The following ASIC2 variants were observed in gnomAD, a reference collection of about 807,000 sequenced individuals.
ASIC2 encodes acid-sensing ion channel 2.
A neutral mutation model predicts 57.3 loss-of-function variants in ASIC2; 25 were observed. The ratio of observed to expected loss-of-function variants is 0.44; its 90% CI spans 0.32 to 0.61. ASIC2 has a LOEUF of 0.61. ASIC2 is among the 20% of genes least tolerant of loss of function. The probability of loss-of-function intolerance (pLI) is 0.06; values close to 1 mark genes in which losing one functional copy is unlikely to be tolerated. For missense variants in ASIC2, 641 were observed against 738.1 expected (o/e 0.87, Z 1.52); for synonymous variants, 319 against 307.5 (o/e 1.04, Z -0.39).
chr17:34,093,390 A>G (rs1288062503), intron 1 of ASIC2, among the ~76,000 whole-genome samples: 1 of 152,136 alleles, frequency 6.6e-6, no homozygotes, highest in African/African-American at 2.4e-5. Context: ...AGGGATTCAT[A>G]TTTCTGTCCT....
At chr17:33,040,893 C>T (rs1317210248) in intron 3 of ASIC2, among the ~76,000 whole-genome samples, 1 of 152,102 alleles carries the variant, frequency 6.6e-6, no homozygotes, top group Non-Finnish European at 1.5e-5. Context: ...TTGTTGGGGG[C>T]CTCAGAAAGG....
chr17:34,089,647 C>T lies in ASIC2; in HGVS notation c.555+66331G>A, dbSNP rs1269070613. On this transcript the variant is annotated intron_variant, in intron 1 of 9. Coordinates refer to the ASIC2 transcript ENST00000359872. ...TACTTCCCTCACCTCTCTGCTTGGC[C>T]CCAGGTCCCCAGGTCACCTAGCCCC... Among the ~76,000 whole-genome samples the T allele has an allele frequency of 3.3e-5, 5 of 152,136 alleles. No homozygotes were observed. The East Asian group carries it at 7.7e-4, about 23-fold the overall frequency.
intron 1 of ASIC2, among the ~76,000 whole-genome samples, chr17:33,480,820 G>T (rs1405918990): frequency 6.6e-6 from 1 of 152,072 alleles, no homozygotes; most frequent in Admixed American, 6.5e-5. Flanking sequence ...GCCACACCTT[G>T]GACCTGACCA....
At chr17:33,447,316 C>T (rs191897969) in intron 1 of ASIC2, among the ~76,000 whole-genome samples, 1 of 152,224 alleles carries the variant, frequency 6.6e-6, no homozygotes, top group East Asian at 1.9e-4. Flanking sequence ...GCAAGTGTGT[C>T]CCAGGTGACC....
chr17:33,578,771 C>G (rs1168804864), intron 1 of ASIC2, among the ~76,000 whole-genome samples: 5 of 144,104 alleles, frequency 3.5e-5, no homozygotes, highest in Admixed American at 3.4e-4. Context: ...CTGGAAGGTG[C>G]TGATTTCGCA....
chr17:33,980,632 T>C (rs985552673), intron 1 of ASIC2: 2 of 152,240 alleles, frequency 1.3e-5, no homozygotes, highest in African/African-American at 2.4e-5. Context: ...TTTATCCTGC[T>C]ACCTGCTGGG....
intron 1 of ASIC2, among the ~76,000 whole-genome samples, chr17:33,164,693 G>C (rs1430202215): frequency 6.6e-6 from 1 of 152,138 alleles, no homozygotes; most frequent in African/African-American, 2.4e-5. Context: ...TCCTGTAATT[G>C]AGCCCTTTGG....
chr17:33,739,199 G>A (rs553104998), intron 1 of ASIC2, among the ~76,000 whole-genome samples: 52 of 152,320 alleles, frequency 3.4e-4, no homozygotes, highest in African/African-American at 1.2e-3. Context: ...AATAAATAGA[G>A]ATTGAAATCT....
At chr17:34,121,259 G>A (rs1354087998) in intron 1 of ASIC2, among the ~76,000 whole-genome samples, 1 of 151,850 alleles carries the variant, frequency 6.6e-6, no homozygotes, top group Admixed American at 6.5e-5. Flanking sequence ...CGATCTGTGA[G>A]ACAGTAAATG....
intron 1 of ASIC2, among the ~76,000 whole-genome samples, chr17:33,656,505 C>T (rs751898700): frequency 6.6e-6 from 1 of 152,188 alleles, no homozygotes; most frequent in East Asian, 1.9e-4. Flanking sequence ...TCCCCCTCAG[C>T]AAGTCTGAAG....
intron 1 of ASIC2, among the ~76,000 whole-genome samples, chr17:33,338,871 T>C (rs1219399659): frequency 6.6e-6 from 1 of 152,216 alleles, no homozygotes; most frequent in African/African-American, 2.4e-5. Flanking sequence ...ATATGTAGCA[T>C]CTAGAGTAGT....
At chr17:33,878,472 A>G (rs554654745) in intron 1 of ASIC2, among the ~76,000 whole-genome samples, 11 of 152,362 alleles carry the variant, frequency 7.2e-5, no homozygotes, top group South Asian at 6.2e-4. Flanking sequence ...ACAAGCCTCA[A>G]TAGCCGATTC....
intron 1 of ASIC2, among the ~76,000 whole-genome samples, chr17:33,926,462 A>G (rs369923600): frequency 9.8e-5 from 15 of 152,342 alleles, no homozygotes; most frequent in African/African-American, 1.7e-4. Context: ...CCTTATACAC[A>G]TAGCCTGAAG....
At chr17:33,075,060 C>A (rs1458572953) in intron 3 of ASIC2, among the ~76,000 whole-genome samples, 1 of 152,094 alleles carries the variant, frequency 6.6e-6, no homozygotes, top group Non-Finnish European at 1.5e-5. Context: ...GGCTGTGTCC[C>A]CACCCAAATT....
At chr17:33,471,861 G>A (rs1191919156) in intron 1 of ASIC2, among the ~76,000 whole-genome samples, 3 of 151,962 alleles carry the variant, frequency 2.0e-5, no homozygotes, top group Non-Finnish European at 4.4e-5. Context: ...CCATTTATAT[G>A]CATTATCTAA....
intron 1 of ASIC2, among the ~76,000 whole-genome samples, chr17:34,040,660 A>C (rs1408613423): frequency 3.9e-5 from 6 of 152,132 alleles, no homozygotes; most frequent in African/African-American, 1.4e-4. Flanking sequence ...TCTTCATTGC[A>C]TGGTGCTGCA....
chr17:33,043,696 A>G (rs922405696), intron 3 of ASIC2, among the ~76,000 whole-genome samples: 1 of 152,234 alleles, frequency 6.6e-6, no homozygotes, highest in Non-Finnish European at 1.5e-5. Flanking sequence ...ATTATATAAA[A>G]TACAGAATGT....
At chr17:34,119,870 G>A (rs186501287) in intron 1 of ASIC2, among the ~76,000 whole-genome samples, 6 of 152,164 alleles carry the variant, frequency 3.9e-5, no homozygotes, top group Non-Finnish European at 7.3e-5. Flanking sequence ...GACATAGGGT[G>A]AGCACTAACG....
At chr17:33,401,715 C>T (rs1372035153) in intron 1 of ASIC2, among the ~76,000 whole-genome samples, 2 of 152,130 alleles carry the variant, frequency 1.3e-5, no homozygotes, top group African/African-American at 4.8e-5. Flanking sequence ...AATCTTTGTT[C>T]GCTTCCCAGG....
Sources: gnomAD v4.1 joint callset for allele counts (sites outside exome capture counted in the v4.1 genomes callset) on GRCh38, gnomAD v4.1.1 for gene constraint, MANE v1.5 for transcripts, NCBI Gene and HGNC (gene_info 2026-07-23, HGNC 2026-07-21) for gene names.